Variants in MFSD6 observed in about 807,000 individuals in gnomAD.
The protein encoded by MFSD6 is major facilitator superfamily domain containing 6, also known as major facilitator superfamily domain-containing protein 6.
In MFSD6, 26 loss-of-function variants were observed where a neutral mutation model predicts 56.3. That is an observed-to-expected ratio of 0.46 (90% CI 0.34 to 0.64). The LOEUF is 0.64. Among genes scored for constraint, MFSD6 ranks in the 30% least tolerant of loss-of-function variants. MFSD6 has a pLI of 0.01. For missense variants in MFSD6, 750 were observed against 986.2 expected, an observed-to-expected ratio of 0.76 and a Z score of 3.21; for synonymous variants, 331 against 366.9, an observed-to-expected ratio of 0.90 and a Z score of 1.12.
intron 3 of MFSD6, among the ~76,000 whole-genome samples, chr2:190,448,853 T>C (rs1686675347): frequency 6.6e-6 from 1 of 152,226 alleles, no homozygotes; most frequent in African/African-American, 2.4e-5. Flanking sequence ...TACCTTTTTT[T>C]GGTATTTTCT....
At chr2:190,430,921 G>A (rs1160054663) in intron 2 of MFSD6, among the ~76,000 whole-genome samples, 85 of 142,604 alleles carry the variant, frequency 6.0e-4, no homozygotes, top group Non-Finnish European at 9.7e-4. Flanking sequence ...GGTGGCTGCC[G>A]GGCGGAGGGG....
In MFSD6 at chr2:190,486,250, C is replaced by T. The variant is rs569245658; in HGVS notation, c.1631-2407C>T. 1.9e-4 allele frequency among the ~76,000 whole-genome samples: 29 copies of T among 152,324 alleles called. 1 individual carries two copies. The South Asian group carries it at 4.4e-3, about 23-fold the overall frequency. ...TTGGCTGGTGGGAAGAAGTGTTCCC[C>T]GCCTTGTGTGGGTTCTGGGTATTGT... On this transcript the variant is annotated intron_variant, in intron 4 of 7. Transcript: ENST00000392328.
chr2:190,420,326 C>G (rs1685566566), intron 2 of MFSD6, among the ~76,000 whole-genome samples: 1 of 151,974 alleles, frequency 6.6e-6, no homozygotes, highest in South Asian at 2.1e-4. Context: ...TTCCTGGCTA[C>G]TAGATAGCCA....
At chr2:190,466,968 TGACACTGGGTTATTTTAAGCCAG>T (rs1251154655) in intron 3 of MFSD6, among the ~76,000 whole-genome samples, 15 of 152,216 alleles carry the variant, frequency 9.9e-5, no homozygotes, top group Admixed American at 9.8e-4. Flanking sequence ...CTGGATCAAT[TGACACTGGGTTATTTTAAGCCAG>T]GAGTTTTGGA....
In MFSD6 at chr2:190,412,088, T is replaced by C. The variant is rs556931934; in HGVS notation, c.-175-3204T>C. The C allele has an allele frequency of 1.0e-6, 1 of 984,598 alleles. No individual in the cohort carries two copies. The highest frequency in any genetic ancestry group is 1.2e-6 in the Non-Finnish European group (1 of 829,266). 61.0% of individuals were successfully genotyped at this position (984,598 alleles called of 1,614,324 possible). A position where few individuals can be genotyped will look rare whatever the true frequency, so the allele number is the denominator to read the frequency against. On this transcript the variant is annotated intron_variant, in intron 1 of 7. Transcript: ENST00000392328. This position sits in a 1 kb window ranked among gnomAD's most constrained non-coding sequence, Gnocchi z 4.1. ...AAGTTATCATAAAGTTAAACTAATC[T>C]GATGCATATGTACTTGTTAAATACA...
In MFSD6 at chr2:190,423,201, T is replaced by C. The variant is rs754134118; in HGVS notation, c.-54+7788T>C. 1.3e-5 allele frequency among the ~76,000 whole-genome samples: 2 copies of C among 152,194 alleles called. No homozygotes were observed. Among genetic ancestry groups the C allele is most frequent in the East Asian group, 3.8e-4 (2 of 5,200 alleles). On this transcript the variant is annotated intron_variant, in intron 2 of 7. Transcript: ENST00000392328. The surrounding 1 kb of genome is among the most constrained non-coding windows in gnomAD (Gnocchi z 4.3). ...CTATAGCATAATAGCACCATTGACA[T>C]TGAGGCAGTCAAGATACAGAACATT...
intron 2 of MFSD6, among the ~76,000 whole-genome samples, chr2:190,432,837 C>T (rs1686052933): frequency 6.7e-6 from 1 of 148,780 alleles, no homozygotes; most frequent in Non-Finnish European, 1.5e-5. Context: ...CCAACACACA[C>T]ACACTCTCTC....
chr2:190,476,971 G>C (rs558793271), intron 4 of MFSD6, among the ~76,000 whole-genome samples: 3 of 146,534 alleles, frequency 2.0e-5, no homozygotes, highest in African/African-American at 7.6e-5. Context: ...ACCAAACACC[G>C]CATGTTCTCA....
upstream of MFSD6, among the ~76,000 whole-genome samples, chr2:190,408,110 C>A (rs1485930546): frequency 6.6e-6 from 1 of 152,008 alleles, no homozygotes; most frequent in Non-Finnish European, 1.5e-5. Context: ...GCAGTCGACG[C>A]ATCCGCCGCC....
rs536612302 is a variant in MFSD6, at chr2:190,467,459, A to G, written c.1533-2299A>G. On this transcript the variant is annotated intron_variant, in intron 3 of 7. Coordinates refer to ENST00000392328, the MANE Select transcript of MFSD6 (RefSeq NM_017694.4). This position sits in a 1 kb window ranked among gnomAD's most constrained non-coding sequence, Gnocchi z 5.5. ...AAAACCTCGTCTCTACTAAAAATAC[A>G]AAAATTAGCCAGGCATGGTGGCACA... Among the ~76,000 whole-genome samples the G allele has an allele frequency of 7.2e-5, 11 of 152,324 alleles. No individual in the cohort carries two copies. The East Asian group carries it at 2.1e-3, about 29-fold the overall frequency.
chr2:190,468,418 T>G (rs1274011098), intron 3 of MFSD6, among the ~76,000 whole-genome samples: 2 of 151,806 alleles, frequency 1.3e-5, no homozygotes, highest in African/African-American at 4.8e-5. Flanking sequence ...GTTGATTCAG[T>G]GTTGGGAAAA....
rs1379887299 is a variant in MFSD6, at chr2:190,491,307, C to CA, written c.1891+1442dup. On this transcript the variant is annotated intron_variant, in intron 6 of 7. Coordinates refer to ENST00000392328, the MANE Select transcript of MFSD6 (RefSeq NM_017694.4). The surrounding 1 kb of genome is among the most constrained non-coding windows in gnomAD (Gnocchi z 4.2). ...GCTCACACTCAGGTGGACCGAGTAG[C>CA]ATGTGGAGACTTGCATCATGCTTTT... Among the ~76,000 whole-genome samples, 24 of 152,162 alleles carry CA rather than the reference C, an allele frequency of 1.6e-4. No homozygotes were observed. The highest frequency in any genetic ancestry group is 1.4e-3 in the Admixed American group (21 of 15,282).
intron 4 of MFSD6, chr2:190,477,432 CTTT>C (rs751376733): frequency 1.1e-6 from 1 of 882,242 alleles, no homozygotes; most frequent in Non-Finnish European, 1.4e-6. Flanking sequence ...ATGCATATAA[CTTT>C]TTTATCCTTT....
At position 190,415,642 on chromosome 2, in the gene MFSD6, T is replaced by C. The variant is rs1454034161; in HGVS notation, c.-54+229T>C. On this transcript the variant is annotated intron_variant, in intron 2 of 7. Coordinates refer to ENST00000392328, the MANE Select transcript of MFSD6 (RefSeq NM_017694.4). The surrounding 1 kb of genome is among the most constrained non-coding windows in gnomAD (Gnocchi z 4.5). ...TTATATCATTAGAATTGATAGCTTA[T>C]GGTAATTCTCAAGTTATCAGAACCC... Among the ~76,000 whole-genome samples the C allele has an allele frequency of 6.6e-6, 1 of 152,182 alleles. No homozygotes were observed. Among genetic ancestry groups the C allele is most frequent in the Non-Finnish European group, 1.5e-5 (1 of 68,036 alleles).
chr2:190,475,833 A>C lies in MFSD6; in HGVS notation c.1630+5978A>C, dbSNP rs1471762368. Among the ~76,000 whole-genome samples, 4 of 152,198 alleles carry C rather than the reference A, an allele frequency of 2.6e-5. No homozygotes were observed. The East Asian group carries it at 7.7e-4, about 29-fold the overall frequency. ...ACTATACTACAAGCCTACAGTAACC[A>C]AAACAGCATGGTACTGGTACCAAAA... On this transcript the variant is annotated intron_variant, in intron 4 of 7. Transcript: ENST00000392328.
Position 190,467,315 on chromosome 2 carries a change from G to C in MFSD6, c.1533-2443G>C, listed in dbSNP as rs531917633. Among the ~76,000 whole-genome samples, 3 of 152,256 alleles carry C rather than the reference G, an allele frequency of 2.0e-5. No individual in the cohort carries two copies. The highest frequency in any genetic ancestry group is 4.4e-5 in the Non-Finnish European group (3 of 68,018). On this transcript the variant is annotated intron_variant, in intron 3 of 7. Coordinates refer to ENST00000392328, the MANE Select transcript of MFSD6 (RefSeq NM_017694.4). The surrounding 1 kb of genome is among the most constrained non-coding windows in gnomAD (Gnocchi z 5.5). ...AAACAGTTACCATGGTAAATCTGAT[G>C]TCCAGCCAAGGTTAAGAATTAAGGA... is the stretch of plus-strand genomic sequence containing the variant.
At chr2:190,428,424 A>G (rs572221336) in intron 2 of MFSD6, among the ~76,000 whole-genome samples, 16 of 152,324 alleles carry the variant, frequency 1.1e-4, no homozygotes, top group Admixed American at 3.3e-4. Context: ...CCAGCAATCT[A>G]TGAGAGTTCT....
Position 190,489,966 on chromosome 2 carries a change from G to A in MFSD6, c.1891+100G>A, listed in dbSNP as rs1689239209. 1.0e-6 allele frequency: 1 copy of A among 964,324 alleles called. No homozygotes were observed. The highest frequency in any genetic ancestry group is 3.1e-5 in the Admixed American group (1 of 32,786). The allele number at this position is 964,324 out of a possible 1,614,324, so 59.7% of individuals were successfully genotyped here. A position where few individuals can be genotyped will look rare whatever the true frequency, so the allele number is the denominator to read the frequency against. On this transcript the variant is annotated intron_variant, in intron 6 of 7. Transcript: ENST00000392328. The surrounding 1 kb of genome is among the most constrained non-coding windows in gnomAD (Gnocchi z 6.6). ...TAGAAGTGGTACAGAGTATACAACA[G>A]GTCTGTTTGGCTCAATTTTCTGAGT... is the stretch of plus-strand genomic sequence containing the variant.
intron 3 of MFSD6, among the ~76,000 whole-genome samples, chr2:190,440,945 C>T (rs1361636614): frequency 6.6e-6 from 1 of 152,156 alleles, no homozygotes; most frequent in East Asian, 1.9e-4. Flanking sequence ...AGATGCTGGG[C>T]TTCAGCACAG....
Sources: gnomAD v4.1 joint callset for allele counts (sites outside exome capture counted in the v4.1 genomes callset) on GRCh38, gnomAD v4.1.1 for gene constraint, Gnocchi (gnomAD v3.1) non-coding constraint, MANE v1.5 for transcripts, NCBI Gene and HGNC (gene_info 2026-07-23, HGNC 2026-07-21) for gene names.